Variants in PATJ observed in about 807,000 individuals in gnomAD.
PATJ encodes inaD-like protein.
In PATJ, 190 loss-of-function variants were observed where a neutral mutation model predicts 224.9. The ratio of observed to expected loss-of-function variants is 0.84; its 90% CI spans 0.75 to 0.95. The LOEUF (loss-of-function observed/expected upper bound fraction) is 0.95, where lower values mean the gene tolerates loss of function less well. Ranked by LOEUF, PATJ falls within the 40% of genes least tolerant of loss-of-function variation. PATJ has a pLI of 0.00. For missense variants in PATJ, 2,121 were observed against 2,270.3 expected (o/e 0.93, Z 1.34); for synonymous variants, 769 against 820.3 (o/e 0.94, Z 1.07).
chr1:61,835,443 G>A (rs528016919), intron 17 of PATJ, among the ~76,000 whole-genome samples: 18 of 151,924 alleles, frequency 1.2e-4, no homozygotes, highest in Admixed American at 5.2e-4. Context: ...TCACTCTGTC[G>A]CCCAGGCTGG....
chr1:61,948,114 A>C (rs1486980225), intron 27 of PATJ, among the ~76,000 whole-genome samples: 2 of 152,236 alleles, frequency 1.3e-5, no homozygotes, highest in African/African-American at 2.4e-5. Flanking sequence ...AAAACCCTAG[A>C]AGAAAACCTA....
intron 28 of PATJ, among the ~76,000 whole-genome samples, chr1:62,006,552 A>G (rs531744128): frequency 1.3e-5 from 2 of 152,366 alleles, no homozygotes; most frequent in Non-Finnish European, 1.5e-5. Context: ...GAAAGTTTGT[A>G]TAGTATAACA....
rs377657386 is a variant in PATJ at position 61,908,365 on chromosome 1, G to A, written c.3382-7G>A. 416 of 1,598,742 alleles carry A rather than the reference G, an allele frequency of 2.6e-4. No homozygotes were observed. The highest frequency in any genetic ancestry group is 2.8e-4 in the Non-Finnish European group (322 of 1,166,176). The stretch of plus-strand genomic sequence containing the variant: ...TCTAATTGAAATAACTTGCTTCTGT[G>A]TTTCAGGTGTCTGGAGTAGATTTGC... On this transcript the variant is annotated splice_region_variant and splice_polypyrimidine_tract_variant and intron_variant, in intron 24 of 43. Transcript: ENST00000642238.
chr1:61,745,293 GA>G (rs1271713682), intron 1 of PATJ, among the ~76,000 whole-genome samples: 2 of 151,952 alleles, frequency 1.3e-5, no homozygotes, highest in African/African-American at 2.4e-5. Flanking sequence ...TATTTATTTT[GA>G]GACAGAGTCT....
intron 1 of PATJ, among the ~76,000 whole-genome samples, chr1:61,742,864 G>C (rs183841374): frequency 0.013 from 2,032 of 151,496 alleles, 54 homozygotes; most frequent in African/African-American, 0.046. Flanking sequence ...CCGCCGCGCA[G>C]GGCTCGCCGA....
intron 28 of PATJ, among the ~76,000 whole-genome samples, chr1:62,005,101 A>C (rs1646009896): frequency 6.6e-6 from 1 of 151,930 alleles, no homozygotes; most frequent in Non-Finnish European, 1.5e-5. Flanking sequence ...TTTTAAAGGA[A>C]TAGCCATGAG....
intron 26 of PATJ, among the ~76,000 whole-genome samples, chr1:61,920,780 T>A (rs917805849): frequency 4.1e-5 from 6 of 144,720 alleles, no homozygotes; most frequent in Non-Finnish European, 4.5e-5. Flanking sequence ...TGATCTCTGC[T>A]CATGCAACCT....
At chr1:62,035,997 A>G (rs1650307830) in intron 29 of PATJ, among the ~76,000 whole-genome samples, 1 of 151,504 alleles carries the variant, frequency 6.6e-6, no homozygotes, top group Admixed American at 6.6e-5. Flanking sequence ...CTCAGCTAAG[A>G]AGTGGAAAGA....
In PATJ at chr1:62,067,127, T is replaced by C. The variant is rs78735712; in HGVS notation, c.4126-12323T>C. Among the ~76,000 whole-genome samples, 147 of 119,220 alleles carry C rather than the reference T, an allele frequency of 1.2e-3. 1 individual carries two copies. Among genetic ancestry groups the C allele is most frequent in the African/African-American group, 4.4e-3 (93 of 20,912 alleles). 78.2% of individuals were successfully genotyped at this position (119,220 alleles called of 152,430 possible). ...CTCTCATAATTCCTATTCTTTCTTTTTTTTTTTTTTTTTTTTTGAGATGGA... is the reference window on the plus strand; with the variant it reads ...CTCTCATAATTCCTATTCTTTCTTTCTTTTTTTTTTTTTTTTTGAGATGGA... On this transcript the variant is annotated intron_variant, in intron 31 of 43. Transcript: ENST00000642238.
chr1:61,919,207 C>T (rs998008222), intron 26 of PATJ, among the ~76,000 whole-genome samples: 13 of 151,674 alleles, frequency 8.6e-5, no homozygotes, highest in South Asian at 2.1e-4. Context: ...TGAATTCATT[C>T]CCCTTTTTCA....
intron 16 of PATJ, among the ~76,000 whole-genome samples, chr1:61,832,744 G>A (rs1659557062): frequency 6.6e-6 from 1 of 152,138 alleles, no homozygotes; most frequent in Non-Finnish European, 1.5e-5. Flanking sequence ...TGCTTGGGCT[G>A]TAAAAGATAA....
At chr1:61,863,945 A>G (rs1284084256) in intron 19 of PATJ, among the ~76,000 whole-genome samples, 3 of 152,204 alleles carry the variant, frequency 2.0e-5, no homozygotes, top group Non-Finnish European at 4.4e-5. Flanking sequence ...CAAAATTCCT[A>G]TTTCTAGTGG....
intron 39 of PATJ, among the ~76,000 whole-genome samples, chr1:62,126,433 A>G (rs1570713351): frequency 1.3e-5 from 2 of 152,122 alleles, no homozygotes; most frequent in Non-Finnish European, 2.9e-5. Context: ...TTACATTTTG[A>G]CTAGACATCT....
intron 41 of PATJ, among the ~76,000 whole-genome samples, chr1:62,147,734 G>A (rs577657735): frequency 9.2e-5 from 14 of 151,998 alleles, no homozygotes; most frequent in Non-Finnish European, 2.1e-4. Context: ...AGGAAGCAGA[G>A]GTTGTAGTGA....
intron 37 of PATJ, among the ~76,000 whole-genome samples, chr1:62,118,785 A>G (rs1298267083): frequency 3.3e-5 from 5 of 152,048 alleles, no homozygotes; most frequent in Non-Finnish European, 7.4e-5. Context: ...GCCCGCCACC[A>G]CATCCGGCTA....
chr1:62,135,380 G>A (rs2148971835), intron 41 of PATJ, among the ~76,000 whole-genome samples: 1 of 152,130 alleles, frequency 6.6e-6, no homozygotes, highest in East Asian at 1.9e-4. Context: ...GCCAGGCATG[G>A]TAATGCATAC....
rs1222485468 is a variant in PATJ, at chr1:62,037,989, A to C, written c.3972A>C (p.Ala1324=). Residue 1324 remains alanine, a synonymous_variant, in exon 30 of 44, where the codon GCA becomes GCC. Coordinates refer to ENST00000642238, the MANE Select transcript of PATJ (RefSeq NM_001350145.3). The stretch of plus-strand genomic sequence containing the variant: ...TAACACTTCACAGAAACGAGGATGC[A>C]GTCAATCAGATGGCCGTTACTCCCT... ...VKLVFIRNED[A]VNQMAVTPFP... 1 of 1,604,684 alleles carries C rather than the reference A, an allele frequency of 6.2e-7. No homozygotes were observed. Among genetic ancestry groups the C allele is most frequent in the African/African-American group, 1.3e-5 (1 of 74,704 alleles).
At chr1:61,876,976 G>A (rs1453403627) in intron 21 of PATJ, among the ~76,000 whole-genome samples, 1 of 152,170 alleles carries the variant, frequency 6.6e-6, no homozygotes, top group Non-Finnish European at 1.5e-5. Context: ...TACACTTAGT[G>A]TTACAAGATT....
intron 27 of PATJ, among the ~76,000 whole-genome samples, chr1:61,966,192 A>T (rs1422085725): frequency 6.6e-6 from 1 of 151,450 alleles, no homozygotes; most frequent in Non-Finnish European, 1.5e-5. Flanking sequence ...GAGCCACCGC[A>T]CCTGGTCTAT....
Sources: allele counts gnomAD v4.1 joint callset (sites outside exome capture counted in the v4.1 genomes callset), GRCh38; gene constraint gnomAD v4.1.1; transcripts MANE v1.5; gene names NCBI Gene and HGNC (gene_info 2026-07-23, HGNC 2026-07-21).